Variants in TMPRSS12 observed in about 807,000 individuals in gnomAD.
TMPRSS12 encodes the protein transmembrane serine protease 12, also known as transmembrane protease serine 12.
Under a neutral mutation model 26.0 loss-of-function variants are expected in TMPRSS12, and 25 were observed. The ratio of observed to expected loss-of-function variants is 0.96; its 90% CI spans 0.70 to 1.34. The LOEUF (loss-of-function observed/expected upper bound fraction) is 1.34, where lower values mean the gene tolerates loss of function less well. Ranked by LOEUF, TMPRSS12 falls within the 40% of genes most tolerant of loss-of-function variation. TMPRSS12 has a pLI of 0.00. For synonymous variants in TMPRSS12, 150 were observed against 161.7 expected, an observed-to-expected ratio of 0.93 and a Z score of 0.55; for missense variants, 441 against 440.1, an observed-to-expected ratio of 1.00 and a Z score of -0.02.
chr12:50,872,630 TATATATGACGTATATGTAC>T lies in TMPRSS12; in HGVS notation c.653-12590_653-12572del, dbSNP rs201972203. 7.1e-4 allele frequency among the ~76,000 whole-genome samples: 69 copies of T among 96,588 alleles called. 4 individuals carry two copies. Among genetic ancestry groups the T allele is most frequent in the Non-Finnish European group, 1.1e-3 (47 of 43,494 alleles). 63.4% of individuals were successfully genotyped at this position (96,588 alleles called of 152,430 possible). A position where few individuals can be genotyped will look rare whatever the true frequency, so the allele number is the denominator to read the frequency against. On this transcript the variant is annotated intron_variant, in intron 3 of 4. Transcript: ENST00000398458. ...CATATATATGACGTATATATGTACATATATATGACGTATATGTACATATATGACGTATATGTACATATAT... is the reference window on the plus strand; with the variant it reads ...CATATATATGACGTATATATGTACATATATATGACGTATATGTACATATAT...
chr12:50,880,688 T>C (rs553334966), intron 3 of TMPRSS12, among the ~76,000 whole-genome samples: 1 of 152,122 alleles, frequency 6.6e-6, no homozygotes, highest in South Asian at 2.1e-4. Flanking sequence ...CAAAAACTTA[T>C]GAACGCTCAT....
intron 2 of TMPRSS12, among the ~76,000 whole-genome samples, chr12:50,850,787 TG>T (rs1379449491): frequency 6.6e-6 from 1 of 152,182 alleles, no homozygotes; most frequent in African/African-American, 2.4e-5. Flanking sequence ...AAAGTGCTTT[TG>T]CCAGCATCCC....
chr12:50,843,291 C>A, intron 1 of TMPRSS12, 140 bp downstream of exon 1: 1 of 760,124 alleles, frequency 1.3e-6, no homozygotes, highest in Non-Finnish European at 2.0e-6. Flanking sequence ...AGTTTCTAGA[C>A]CGGCTGTAAT....
intron 3 of TMPRSS12, among the ~76,000 whole-genome samples, chr12:50,876,447 T>C (rs1938113516): frequency 6.6e-6 from 1 of 152,226 alleles, no homozygotes; most frequent in South Asian, 2.1e-4. Context: ...CATGCACTCC[T>C]ATGTTCATCG....
At chr12:50,873,491 A>G (rs1938086121) in intron 3 of TMPRSS12, among the ~76,000 whole-genome samples, 1 of 152,224 alleles carries the variant, frequency 6.6e-6, no homozygotes, top group Non-Finnish European at 1.5e-5. Flanking sequence ...ACAGTCTTTC[A>G]CCAAGGAAGT....
intron 3 of TMPRSS12, among the ~76,000 whole-genome samples, chr12:50,870,222 C>T (rs1399307797): frequency 3.3e-5 from 5 of 151,938 alleles, no homozygotes; most frequent in East Asian, 3.9e-4. Flanking sequence ...AAAAACAAAA[C>T]AAAACAAAAC....
intron 3 of TMPRSS12, among the ~76,000 whole-genome samples, chr12:50,874,091 G>T (rs1024496784): frequency 1.3e-4 from 18 of 139,746 alleles, no homozygotes; most frequent in African/African-American, 4.2e-4. Context: ...GTAATTTAAA[G>T]TCTTCCCATT....
rs148136396 is a variant in TMPRSS12 at position 50,874,522 on chromosome 12, G to A, written c.653-10724G>A. Among the ~76,000 whole-genome samples, 1,403 of 152,158 alleles carry A rather than the reference G, an allele frequency of 9.2e-3. 19 individuals carry two copies. Among genetic ancestry groups the A allele is most frequent in the African/African-American group, 0.032 (1,313 of 41,522 alleles). On this transcript the variant is annotated intron_variant, in intron 3 of 4. Coordinates refer to ENST00000398458, the MANE Select transcript of TMPRSS12 (RefSeq NM_182559.3). ...TTGATAAAATCCAACACCATTCTAAGTTTAAAAATTCTCAAAAGAAATAGC... is the reference window on the plus strand; with the variant it reads ...TTGATAAAATCCAACACCATTCTAAATTTAAAAATTCTCAAAAGAAATAGC...
At chr12:50,859,114 A>G in intron 3 of TMPRSS12, 61 bp downstream of exon 3, 1 of 1,421,474 alleles carries the variant, frequency 7.0e-7, no homozygotes, top group Non-Finnish European at 9.4e-7. Context: ...AGGAAGGTCA[A>G]ACCTTTTATA....
At chr12:50,885,474 T>C in intron 4 of TMPRSS12, 86 bp downstream of exon 4, 1 of 1,455,186 alleles carries the variant, frequency 6.9e-7, no homozygotes, top group African/African-American at 1.4e-5. Context: ...TTTCTGGTGG[T>C]CTTAATTATC....
At chr12:50,847,507 T>C (rs1937782288) in intron 2 of TMPRSS12, among the ~76,000 whole-genome samples, 1 of 152,032 alleles carries the variant, frequency 6.6e-6, no homozygotes, top group South Asian at 2.1e-4. Context: ...AGAGGGAGTT[T>C]CGCTCTTGTT....
At chr12:50,863,748 A>G (rs1937960837) in intron 3 of TMPRSS12, among the ~76,000 whole-genome samples, 1 of 152,152 alleles carries the variant, frequency 6.6e-6, no homozygotes, top group East Asian at 1.9e-4. Flanking sequence ...AGTAGTTGCT[A>G]GGGTTAAGAA....
chr12:50,852,672 C>T (rs541943668), intron 2 of TMPRSS12, among the ~76,000 whole-genome samples: 20 of 151,962 alleles, frequency 1.3e-4, no homozygotes, highest in African/African-American at 4.1e-4. Flanking sequence ...TCCAAAGTAC[C>T]GGAATTACAG....
chr12:50,858,627 T>A (rs2139725006), intron 2 of TMPRSS12, among the ~76,000 whole-genome samples, 158 bp from the exon 3 acceptor site: 1 of 152,310 alleles, frequency 6.6e-6, no homozygotes, highest in East Asian at 1.9e-4. Context: ...TCTCCTTCCC[T>A]AGATCATGAT....
Position 50,867,803 on chromosome 12 carries a change from G to A in TMPRSS12, c.652+8750G>A, listed in dbSNP as rs145595890. ...CAGCAGGAACCCTACAAGCTAGAGG[G>A]GATTGGGGCCCTATCTTCAGCCTCC... On this transcript the variant is annotated intron_variant, in intron 3 of 4. Transcript: ENST00000398458. Among the ~76,000 whole-genome samples the A allele has an allele frequency of 6.3e-3, 955 of 150,456 alleles. 6 individuals carry two copies. Among genetic ancestry groups the A allele is most frequent in the African/African-American group, 0.023 (925 of 40,904 alleles).
intron 3 of TMPRSS12, among the ~76,000 whole-genome samples, chr12:50,872,280 G>A (rs1325988020): frequency 2.0e-5 from 3 of 151,846 alleles, no homozygotes; most frequent in South Asian, 2.1e-4. Flanking sequence ...TTGGGAGGCC[G>A]AGGCGGGTGG....
intron 3 of TMPRSS12, among the ~76,000 whole-genome samples, chr12:50,877,290 G>A (rs1015792666): frequency 6.6e-6 from 1 of 152,166 alleles, no homozygotes; most frequent in African/African-American, 2.4e-5. Flanking sequence ...TAAAGAATAA[G>A]CTAACCATCC....
chr12:50,846,686 C>T (rs1366015974), intron 2 of TMPRSS12, among the ~76,000 whole-genome samples: 1 of 152,090 alleles, frequency 6.6e-6, no homozygotes, highest in Non-Finnish European at 1.5e-5. Context: ...TCAGGTGATC[C>T]TCCCACCTCA....
intron 3 of TMPRSS12, among the ~76,000 whole-genome samples, chr12:50,864,582 G>T (rs998716970): frequency 3.3e-5 from 5 of 152,076 alleles, no homozygotes; most frequent in African/African-American, 1.2e-4. Context: ...ATATTTTTAG[G>T]TATAGAATAA....
Sources: allele counts gnomAD v4.1 joint callset (sites outside exome capture counted in the v4.1 genomes callset), GRCh38; gene constraint gnomAD v4.1.1; transcripts MANE v1.5; gene names NCBI Gene and HGNC (gene_info 2026-07-23, HGNC 2026-07-21).